Variants in ANK2 observed in about 807,000 individuals in gnomAD.
ANK2 encodes the protein ankyrin-2.
Under a neutral mutation model 360.5 loss-of-function variants are expected in ANK2, and 83 were observed. The observed-to-expected ratio is 0.23, with a 90% CI of 0.19 to 0.28. The LOEUF is 0.28. Ranked by LOEUF, ANK2 falls within the 10% of genes least tolerant of loss-of-function variation. The pLI is 1.00. For synonymous variants in ANK2, 1,740 were observed against 1,759.5 expected (o/e 0.99, Z 0.28); for missense variants, 4,201 against 4,795.7 (o/e 0.88, Z 3.66).
intron 2 of ANK2, among the ~76,000 whole-genome samples, chr4:113,192,271 TC>T (rs1476753427): frequency 1.3e-5 from 2 of 152,204 alleles, no homozygotes; most frequent in African/African-American, 4.8e-5. Context: ...TAAAAGGACA[TC>T]TAACTTCCCC....
At chr4:112,877,738 ACTTCT>A (rs969484127) in intron 1 of ANK2, among the ~76,000 whole-genome samples, 2 of 151,978 alleles carry the variant, frequency 1.3e-5, no homozygotes, top group Non-Finnish European at 2.9e-5. Context: ...CAGAATCTAC[ACTTCT>A]CTTTTTTACT....
In ANK2 at chr4:113,015,463, G is replaced by C. The variant is rs1000895706; in HGVS notation, c.21+110949G>C. ...AAGAACATCTACCTTGCAGCTCTCTGTGCCCTGCCTACTGAATCTTCAATT... is the reference window on the plus strand; with the variant it reads ...AAGAACATCTACCTTGCAGCTCTCTCTGCCCTGCCTACTGAATCTTCAATT... On this transcript the variant is annotated intron_variant, in intron 2 of 30. Transcript: ENST00000503271. 5.9e-5 allele frequency among the ~76,000 whole-genome samples: 9 copies of C among 152,254 alleles called. No individual in the cohort carries two copies. The East Asian group carries it at 1.5e-3, about 26-fold the overall frequency.
the ANK2 span, among the ~76,000 whole-genome samples, chr4:112,737,334 T>C: frequency 6.6e-6 from 1 of 152,236 alleles, no homozygotes; most frequent in African/African-American, 2.4e-5. Flanking sequence ...GTAAATCTGC[T>C]GCCTTTCATT....
At chr4:112,882,632 A>AAAAAC (rs2077014054) in intron 1 of ANK2, among the ~76,000 whole-genome samples, 1 of 152,064 alleles carries the variant, frequency 6.6e-6, no homozygotes, top group African/African-American at 2.4e-5. Flanking sequence ...GGGAAAATTT[A>AAAAAC]TGTAGGCAAA....
At chr4:113,211,600 G>C (rs1435591601) in intron 4 of ANK2, among the ~76,000 whole-genome samples, 1 of 152,084 alleles carries the variant, frequency 6.6e-6, no homozygotes, top group East Asian at 1.9e-4. Context: ...CTTTACTTGG[G>C]GGGTGTGAGA....
the ANK2 span, among the ~76,000 whole-genome samples, chr4:112,730,953 C>T: frequency 7.3e-5 from 11 of 151,700 alleles, no homozygotes; most frequent in Admixed American, 6.6e-4. Context: ...TTCCGGCCAA[C>T]ATGGTGAAAC....
At chr4:113,295,270 G>A (rs1263236026) in intron 22 of ANK2, among the ~76,000 whole-genome samples, 1 of 152,150 alleles carries the variant, frequency 6.6e-6, no homozygotes, top group African/African-American at 2.4e-5. Context: ...TCAGTGTCAT[G>A]AGAGTAGAGA....
chr4:113,187,952 C>A (rs1202529450), intron 2 of ANK2, among the ~76,000 whole-genome samples: 1 of 152,168 alleles, frequency 6.6e-6, no homozygotes, highest in Admixed American at 6.5e-5. Flanking sequence ...ATCCTCATCA[C>A]TGTGCTACAG....
chr4:112,951,038 C>T (rs1171731226), intron 2 of ANK2, among the ~76,000 whole-genome samples: 10 of 138,214 alleles, frequency 7.2e-5, no homozygotes, highest in African/African-American at 2.2e-4. Flanking sequence ...GCCGAGATCC[C>T]GCCACTGCAC....
the ANK2 span, chr4:112,797,184 T>A: frequency 2.4e-5 from 4 of 167,042 alleles, no homozygotes; most frequent in African/African-American, 9.5e-5. Context: ...GTGAGAACTA[T>A]TTTACCCAAA....
At chr4:113,248,472 A>G (rs539224321) in intron 9 of ANK2, among the ~76,000 whole-genome samples, 2 of 152,068 alleles carry the variant, frequency 1.3e-5, no homozygotes, top group African/African-American at 4.8e-5. Flanking sequence ...AGTCCTTTTC[A>G]TGTCTTGCTG....
At chr4:113,226,114 A>G (rs1375004119) in intron 4 of ANK2, among the ~76,000 whole-genome samples, 1 of 152,204 alleles carries the variant, frequency 6.6e-6, no homozygotes, top group African/African-American at 2.4e-5. Context: ...TGTAATTCTC[A>G]CTTCTTGGGA....
chr4:113,188,675 A>G (rs2098595148), intron 2 of ANK2, among the ~76,000 whole-genome samples: 1 of 152,204 alleles, frequency 6.6e-6, no homozygotes, highest in South Asian at 2.1e-4. Flanking sequence ...CACTAAAATA[A>G]ACATGTAAAA....
At chr4:113,254,734 T>A (rs533849355) in intron 10 of ANK2, among the ~76,000 whole-genome samples, 2 of 152,328 alleles carry the variant, frequency 1.3e-5, no homozygotes, top group South Asian at 4.1e-4. Flanking sequence ...GAAATCACCT[T>A]CCTTGTTGAG....
chr4:113,298,815 A>C (rs1315220702), intron 22 of ANK2, among the ~76,000 whole-genome samples: 1 of 152,196 alleles, frequency 6.6e-6, no homozygotes, highest in Admixed American at 6.6e-5. Flanking sequence ...TACGATTCAG[A>C]GGTAGTTGCA....
intron 20 of ANK2, 52 bp from the exon 21 acceptor site, chr4:113,292,364 T>C: frequency 2.0e-6 from 3 of 1,478,458 alleles, no homozygotes; most frequent in Non-Finnish European, 1.9e-6. Context: ...AACCTAATTT[T>C]CCTCTCCCTC....
intron 1 of ANK2, among the ~76,000 whole-genome samples, chr4:113,155,720 T>C (rs971918825): frequency 4.0e-4 from 61 of 152,224 alleles, no homozygotes; most frequent in East Asian, 1.5e-3. Flanking sequence ...TATAACAAGC[T>C]TGAGAAAATT....
At chr4:113,222,465 C>T (rs576885419) in intron 4 of ANK2, among the ~76,000 whole-genome samples, 3 of 149,374 alleles carry the variant, frequency 2.0e-5, no homozygotes, top group South Asian at 4.2e-4. Flanking sequence ...GGTGCAACCT[C>T]GGCTCACCGC....
chr4:112,860,347 C>T (rs944060527), intron 1 of ANK2, among the ~76,000 whole-genome samples: 2 of 152,106 alleles, frequency 1.3e-5, no homozygotes, highest in Admixed American at 6.5e-5. Flanking sequence ...CTGCCTCAGC[C>T]GCCTGAGTAG....
Sources: gnomAD v4.1 joint callset for allele counts (sites outside exome capture counted in the v4.1 genomes callset) on GRCh38, gnomAD v4.1.1 for gene constraint, MANE v1.5 for transcripts, NCBI Gene and HGNC (gene_info 2026-07-23, HGNC 2026-07-21) for gene names.